PTPRU: variants seen among roughly 807,000 people sequenced by gnomAD.
PTPRU encodes the protein receptor-type tyrosine-protein phosphatase U.
PTPRU carries 69 observed loss-of-function variants against 166.3 expected under a neutral mutation model. The ratio of observed to expected loss-of-function variants is 0.41; its 90% CI spans 0.34 to 0.51. PTPRU has a LOEUF of 0.51. Among genes scored for constraint, PTPRU ranks in the 20% least tolerant of loss-of-function variants. The probability of loss-of-function intolerance (pLI) is 0.09; values close to 1 mark genes in which losing one functional copy is unlikely to be tolerated. For missense variants in PTPRU, 1,657 were observed against 2,013.7 expected, an observed-to-expected ratio of 0.82 and a Z score of 3.39; for synonymous variants, 793 against 814.0, an observed-to-expected ratio of 0.97 and a Z score of 0.44.
At chr1:29,239,276 C>T (rs1469661472) in intron 1 of PTPRU, among the ~76,000 whole-genome samples, 4 of 152,162 alleles carry the variant, frequency 2.6e-5, no homozygotes, top group African/African-American at 7.2e-5. Flanking sequence ...CGGGTAGGGG[C>T]GGTGTGTGAT....
At chr1:29,296,675 CT>C (rs1686896033) in intron 15 of PTPRU, among the ~76,000 whole-genome samples, 2 of 130,434 alleles carry the variant, frequency 1.5e-5, no homozygotes, top group Non-Finnish European at 1.5e-5. Context: ...TGCCTTGCTA[CT>C]TTGTTTTTTT....
chr1:29,257,671 C>T lies in PTPRU; in HGVS notation c.206-834C>T, dbSNP rs1177410895. On this transcript the variant is annotated intron_variant, in intron 2 of 29. Coordinates refer to ENST00000373779, the MANE Select transcript of PTPRU (RefSeq NM_133178.4). The surrounding 1 kb of genome is among the most constrained non-coding windows in gnomAD (Gnocchi z 4.6). ...GGGGGCTGGAAGGGAAGTTGGAATC[C>T]TTTCATTCAATCTCTGTTCTACATA... is the stretch of plus-strand genomic sequence containing the variant. 6.6e-6 allele frequency among the ~76,000 whole-genome samples: 1 copy of T among 152,198 alleles called. No individual in the cohort carries two copies. The highest frequency in any genetic ancestry group is 1.9e-4 in the East Asian group (1 of 5,190).
In PTPRU at chr1:29,315,995, G is replaced by A. The variant is rs113077391; in HGVS notation, c.3364-7G>A. The A allele has an allele frequency of 2.5e-6, 4 of 1,613,960 alleles. No homozygotes were observed. The highest frequency in any genetic ancestry group is 2.7e-5 in the African/African-American group (2 of 75,022). Reference sequence around the variant, plus strand: ...CTCCTCGGCCTCATTCTCATCTCCTGTTCCAGGAGCAGTACATCTTCATTC... The same window carrying A: ...CTCCTCGGCCTCATTCTCATCTCCTATTCCAGGAGCAGTACATCTTCATTC... On this transcript the variant is annotated splice_region_variant and splice_polypyrimidine_tract_variant and intron_variant, in intron 23 of 29. Coordinates refer to ENST00000373779, the MANE Select transcript of PTPRU (RefSeq NM_133178.4). The surrounding 1 kb of genome is among the most constrained non-coding windows in gnomAD (Gnocchi z 4.5).
intron 8 of PTPRU, among the ~76,000 whole-genome samples, chr1:29,277,800 A>ATTTTTTT (rs1478190246): frequency 1.7e-4 from 7 of 41,772 alleles, no homozygotes; most frequent in Admixed American, 3.0e-4. Context: ...CACAGTTGTC[A>ATTTTTTT]TTCTTTTTTT....
In PTPRU at chr1:29,315,840, T is replaced by C. The variant is rs1199470390; in HGVS notation, c.3364-162T>C. On this transcript the variant is annotated intron_variant, in intron 23 of 29. Coordinates refer to ENST00000373779, the MANE Select transcript of PTPRU (RefSeq NM_133178.4). The surrounding 1 kb of genome is among the most constrained non-coding windows in gnomAD (Gnocchi z 4.5). Reference sequence around the variant, plus strand: ...ATGAAATAGGAGATAAAGGGGCATGTCCATGGAGGTTGTTTCAGGTAGGCT... The same window carrying C: ...ATGAAATAGGAGATAAAGGGGCATGCCCATGGAGGTTGTTTCAGGTAGGCT... Among the ~76,000 whole-genome samples, 1 of 152,194 alleles carries C rather than the reference T, an allele frequency of 6.6e-6. No homozygotes were observed. The highest frequency in any genetic ancestry group is 1.5e-5 in the Non-Finnish European group (1 of 68,020).
At chr1:29,256,392 C>T (rs532549044) in intron 2 of PTPRU, among the ~76,000 whole-genome samples, 42 of 152,326 alleles carry the variant, frequency 2.8e-4, no homozygotes, top group Admixed American at 2.4e-3. Flanking sequence ...ATTCCACAGC[C>T]TGAAGCCCAC....
chr1:29,250,530 C>G (rs1453453710), intron 1 of PTPRU, among the ~76,000 whole-genome samples: 2 of 152,146 alleles, frequency 1.3e-5, no homozygotes, highest in South Asian at 2.1e-4. Context: ...AACAATAAGA[C>G]AAAAATAATA....
At chr1:29,325,100 G>T (rs1688346384) in intron 28 of PTPRU, 91 bp from the exon 29 acceptor site, 5 of 1,532,960 alleles carry the variant, frequency 3.3e-6, no homozygotes, top group Non-Finnish European at 4.5e-6. Context: ...CTCTCCTCTA[G>T]GCTCTCTGCC....
At position 29,259,596 on chromosome 1, in the gene PTPRU, G is replaced by A. The variant is rs113323479; in HGVS notation, c.675+32G>A. On this transcript the variant is annotated intron_variant, in intron 5 of 29. Transcript: ENST00000373779. ...GGGAGCGGTGATCTTGGCTGGGGGC[G>A]GGGTGGGAGGGGGTTGGTGGCTGCT... The A allele has an allele frequency of 1.7e-3, 2,618 of 1,500,670 alleles. 49 individuals are homozygous for A. The African/African-American group carries it at 0.031, about 18-fold the overall frequency. 93.0% of individuals were successfully genotyped at this position (1,500,670 alleles called of 1,614,324 possible).
chr1:29,238,612 G>C lies in PTPRU; in HGVS notation c.73+1895G>C, dbSNP rs1374979863. ...CGCTTGGGCCTCGCCCTGCAGCTCC[G>C]GGGCCATAGGGCACAGCTTTAGCTT... On this transcript the variant is annotated intron_variant, in intron 1 of 29. Transcript: ENST00000373779. This position sits in a 1 kb window ranked among gnomAD's most constrained non-coding sequence, Gnocchi z 6.1. Among the ~76,000 whole-genome samples the C allele has an allele frequency of 1.3e-5, 2 of 152,180 alleles. No homozygotes were observed. Among genetic ancestry groups the C allele is most frequent in the Non-Finnish European group, 2.9e-5 (2 of 68,034 alleles).
chr1:29,256,836 G>A (rs1006894155), intron 2 of PTPRU, among the ~76,000 whole-genome samples: 4 of 152,168 alleles, frequency 2.6e-5, no homozygotes, highest in African/African-American at 9.7e-5. Context: ...TGACCACCCT[G>A]AGTGCACACT....
At position 29,311,133 on chromosome 1, in the gene PTPRU, T is replaced by G. The variant is rs1687636520; in HGVS notation, c.2858-323T>G. On this transcript the variant is annotated intron_variant, in intron 19 of 29. Coordinates refer to ENST00000373779, the MANE Select transcript of PTPRU (RefSeq NM_133178.4). The surrounding 1 kb of genome is among the most constrained non-coding windows in gnomAD (Gnocchi z 4.1). The stretch of plus-strand genomic sequence containing the variant: ...CTCTCGGTCTGGTGGCTGCCTGGAT[T>G]CTTCTGTTTGCATCCCTTTCCACGA... 6.6e-6 allele frequency among the ~76,000 whole-genome samples: 1 copy of G among 152,108 alleles called. No homozygotes were observed. Among genetic ancestry groups the G allele is most frequent in the African/African-American group, 2.4e-5 (1 of 41,432 alleles).
In PTPRU at chr1:29,311,635, G is replaced by T. The variant is rs772889484; in HGVS notation, c.2956-8G>T. 2 of 1,614,006 alleles carry T rather than the reference G, an allele frequency of 1.2e-6. No homozygotes were observed. Among genetic ancestry groups the T allele is most frequent in the Non-Finnish European group, 8.5e-7 (1 of 1,179,858 alleles). ...AGCCCACTGAGTCCCGTCCTGTGGG[G>T]CCTCTAGGTGAAATGCTCACGGTAC... On this transcript the variant is annotated splice_polypyrimidine_tract_variant and splice_region_variant and intron_variant, in intron 20 of 29. Coordinates refer to ENST00000373779, the MANE Select transcript of PTPRU (RefSeq NM_133178.4). This position sits in a 1 kb window ranked among gnomAD's most constrained non-coding sequence, Gnocchi z 4.1.
chr1:29,311,370 G>A lies in PTPRU; in HGVS notation c.2858-86G>A, dbSNP rs1687647788. ...GGGGCTCAGGAGGCCTCCTGGCCTG[G>A]GGTGTGGTGCTGGATGGTGCTGGAT... On this transcript the variant is annotated intron_variant, in intron 19 of 29. Coordinates refer to ENST00000373779, the MANE Select transcript of PTPRU (RefSeq NM_133178.4). This position sits in a 1 kb window ranked among gnomAD's most constrained non-coding sequence, Gnocchi z 4.1. 3.0e-6 allele frequency: 4 copies of A among 1,345,964 alleles called. No homozygotes were observed. The South Asian group carries it at 4.9e-5, about 16-fold the overall frequency. 83.4% of individuals were successfully genotyped at this position (1,345,964 alleles called of 1,614,324 possible).
At chr1:29,304,658 T>C in intron 16 of PTPRU, 116 bp from the exon 17 acceptor site, 2 of 696,758 alleles carry the variant, frequency 2.9e-6, no homozygotes, top group Non-Finnish European at 4.6e-6. Flanking sequence ...CAAGTTCAGC[T>C]TGAATCTGGC....
chr1:29,310,828 G>C, intron 19 of PTPRU, 48 bp downstream of exon 19: 1 of 1,583,898 alleles, frequency 6.3e-7, no homozygotes, highest in South Asian at 1.1e-5. Flanking sequence ...GCCTCCCAGC[G>C]TGCTGGAATG....
intron 25 of PTPRU, among the ~76,000 whole-genome samples, chr1:29,318,760 G>C (rs1476062326): frequency 6.6e-6 from 1 of 152,220 alleles, no homozygotes; most frequent in Non-Finnish European, 1.5e-5. Flanking sequence ...GCAATTGAGT[G>C]CACACTTTCC....
At chr1:29,266,010 G>GTT (rs34163524) in intron 7 of PTPRU, among the ~76,000 whole-genome samples, 1,430 of 79,210 alleles carry the variant, frequency 0.018, 220 homozygotes, top group African/African-American at 0.023. Context: ...TTTCTCCTGG[G>GTT]TTTTTTTTTT....
Position 29,280,653 on chromosome 1 carries a change from G to GTA in PTPRU, c.1868+513_1868+514insAT, listed in dbSNP as rs1686024225. The stretch of plus-strand genomic sequence containing the variant: ...GAGAGGGTGCTGGAGACAAGACTGT[G>GTA]TGTGTGTGTGTGTGTGTGTGTGTGT... On this transcript the variant is annotated intron_variant, in intron 11 of 29. Coordinates refer to ENST00000373779, the MANE Select transcript of PTPRU (RefSeq NM_133178.4). This position sits in a 1 kb window ranked among gnomAD's most constrained non-coding sequence, Gnocchi z 4.2. Among the ~76,000 whole-genome samples, 1 of 137,940 alleles carries GTA rather than the reference G, an allele frequency of 7.2e-6. No homozygotes were observed. The highest frequency in any genetic ancestry group is 2.2e-4 in the South Asian group (1 of 4,476). The allele number at this position is 137,940 out of a possible 152,430, so 90.5% of individuals were successfully genotyped here. A position where few individuals can be genotyped will look rare whatever the true frequency, so the allele number is the denominator to read the frequency against.
Sources: gnomAD v4.1 joint callset for allele counts (sites outside exome capture counted in the v4.1 genomes callset) on GRCh38, gnomAD v4.1.1 for gene constraint, Gnocchi (gnomAD v3.1) non-coding constraint, MANE v1.5 for transcripts, NCBI Gene and HGNC (gene_info 2026-07-23, HGNC 2026-07-21) for gene names.